Variants in RBPJ observed in about 807,000 individuals in gnomAD.
RBPJ encodes the protein recombination signal binding protein for immunoglobulin kappa J region.
RBPJ carries 9 observed loss-of-function variants against 67.8 expected under a neutral mutation model. That is an observed-to-expected ratio of 0.13 (90% CI 0.08 to 0.23). The LOEUF (loss-of-function observed/expected upper bound fraction) is 0.23, where lower values mean the gene tolerates loss of function less well. Among genes scored for constraint, RBPJ ranks in the 10% least tolerant of loss-of-function variants. The pLI is 1.00. For synonymous variants in RBPJ, 198 were observed against 203.3 expected (o/e 0.97, Z 0.22); for missense variants, 305 against 595.6 (o/e 0.51, Z 5.08).
intron 2 of RBPJ, 32 bp downstream of exon 2, chr4:26,386,423 T>C (rs773117607): frequency 2.1e-6 from 3 of 1,438,842 alleles, no homozygotes; most frequent in South Asian, 2.5e-5. Context: ...TTTTTACACA[T>C]ACATTTTATG....
intron 1 of RBPJ, among the ~76,000 whole-genome samples, chr4:26,295,263 T>G (rs541306701): frequency 4.6e-5 from 7 of 151,970 alleles, no homozygotes; most frequent in Admixed American, 2.6e-4. Flanking sequence ...TGTGTGTGTG[T>G]GTGTGTGGGT....
chr4:26,405,008 T>C (rs1003952032), intron 2 of RBPJ, among the ~76,000 whole-genome samples: 3 of 152,248 alleles, frequency 2.0e-5, no homozygotes, highest in African/African-American at 7.2e-5. Context: ...TTCTTTTCAG[T>C]GGTAGGGATT....
At chr4:26,137,303 G>A in the RBPJ span, among the ~76,000 whole-genome samples, 51 of 152,254 alleles carry the variant, frequency 3.3e-4, no homozygotes, top group Middle Eastern at 0.014. Context: ...AGTTGTATGC[G>A]TGTGTCCTGA....
chr4:26,367,017 G>A (rs916994496), intron 1 of RBPJ, among the ~76,000 whole-genome samples: 6 of 151,840 alleles, frequency 4.0e-5, no homozygotes, highest in Non-Finnish European at 5.9e-5. Context: ...CCAGCTACTC[G>A]GGAGGCTGAG....
chr4:26,160,608 G>A (rs190339787), upstream of RBPJ, among the ~76,000 whole-genome samples: 1 of 152,156 alleles, frequency 6.6e-6, no homozygotes, highest in African/African-American at 2.4e-5. Flanking sequence ...ACATGTCCAC[G>A]GCGTGGTAGG....
intron 1 of RBPJ, among the ~76,000 whole-genome samples, chr4:26,232,335 C>T (rs1163998036): frequency 6.6e-6 from 1 of 152,130 alleles, no homozygotes; most frequent in African/African-American, 2.4e-5. Flanking sequence ...CTGTACAGAT[C>T]ATCCCATCAC....
intron 1 of RBPJ, among the ~76,000 whole-genome samples, chr4:26,358,020 C>CCT (rs139807170): frequency 6.9e-6 from 1 of 145,022 alleles, no homozygotes; most frequent in Non-Finnish European, 1.5e-5. Context: ...AGGGGGTATT[C>CCT]GTGTGTGTGT....
At chr4:26,204,360 T>A in intron 1 of RBPJ, among the ~76,000 whole-genome samples, 1 of 152,262 alleles carries the variant, frequency 6.6e-6, no homozygotes, top group East Asian at 1.9e-4. Flanking sequence ...GAAAGAGGTG[T>A]CGCCTTTGAA....
chr4:26,105,809 G>GAA, the RBPJ span, among the ~76,000 whole-genome samples: 1 of 152,076 alleles, frequency 6.6e-6, no homozygotes, highest in African/African-American at 2.4e-5. Context: ...TATTTTCCTA[G>GAA]AAAAAAAGTC....
chr4:26,163,777 G>A (rs1716152137), intron 1 of RBPJ, among the ~76,000 whole-genome samples: 1 of 152,234 alleles, frequency 6.6e-6, no homozygotes, highest in Non-Finnish European at 1.5e-5. Flanking sequence ...CTGCATGGTA[G>A]TGTTCTGGTT....
intron 1 of RBPJ, among the ~76,000 whole-genome samples, chr4:26,345,108 C>A (rs554360701): frequency 2.7e-4 from 41 of 152,058 alleles, no homozygotes; most frequent in Non-Finnish European, 4.7e-4. Flanking sequence ...TAAAAATAAC[C>A]ATTTTTGTGA....
rs569199107 is a variant in RBPJ, at chr4:26,385,305, G to A, written c.21-1048G>A. ...CAAAGTACTGGGATTACAGGTGTGA[G>A]CCACTGCGCCCAGCCTTATGTGTTT... is the stretch of plus-strand genomic sequence containing the variant. On this transcript the variant is annotated intron_variant, in intron 1 of 10. Transcript: ENST00000355476. Among the ~76,000 whole-genome samples, 32 of 152,120 alleles carry A rather than the reference G, an allele frequency of 2.1e-4. No homozygotes were observed. In the East Asian group the frequency reaches 6.2e-3, roughly 30 times the overall value.
At chr4:26,360,109 T>C (rs1205923324) in intron 1 of RBPJ, among the ~76,000 whole-genome samples, 1 of 152,220 alleles carries the variant, frequency 6.6e-6, no homozygotes, top group Non-Finnish European at 1.5e-5. Flanking sequence ...TATACAAAGT[T>C]TTGAATTATA....
intron 1 of RBPJ, among the ~76,000 whole-genome samples, chr4:26,224,463 G>T (rs1719019043): frequency 6.6e-6 from 1 of 152,118 alleles, no homozygotes; most frequent in East Asian, 1.9e-4. Flanking sequence ...TTCAACGTAG[G>T]TTCTTTTCTA....
intron 1 of RBPJ, among the ~76,000 whole-genome samples, chr4:26,271,620 A>G (rs1246531546): frequency 6.6e-6 from 1 of 152,116 alleles, no homozygotes; most frequent in Non-Finnish European, 1.5e-5. Flanking sequence ...GTAGGCAGAT[A>G]GGGAGTTCTG....
Position 26,195,306 on chromosome 4 carries a change from G to A in RBPJ, c.-167+31692G>A, listed in dbSNP as rs564579849. Reference sequence around the variant, plus strand: ...GATCACTTGAGCTCAGAAGTTCAAAGCTGCAGTCTTTTATCTATCCAGTTG... The same window carrying A: ...GATCACTTGAGCTCAGAAGTTCAAAACTGCAGTCTTTTATCTATCCAGTTG... On this transcript the variant is annotated intron_variant, in intron 1 of 4. Transcript: ENST00000512351. 3.3e-5 allele frequency among the ~76,000 whole-genome samples: 5 copies of A among 152,292 alleles called. No homozygotes were observed. In the East Asian group the frequency reaches 9.7e-4, roughly 29 times the overall value.
upstream of RBPJ, chr4:26,319,999 A>T: frequency 1.1e-6 from 1 of 932,028 alleles, no homozygotes; most frequent in African/African-American, 1.7e-5. Flanking sequence ...CGATTCGGGC[A>T]GCCGGCAGCG....
intron 1 of RBPJ, among the ~76,000 whole-genome samples, chr4:26,270,022 C>G (rs1022454484): frequency 6.6e-6 from 1 of 151,918 alleles, no homozygotes; most frequent in African/African-American, 2.4e-5. Flanking sequence ...CGGCTCAGAC[C>G]TGTAATCTCA....
At chr4:26,176,618 C>A (rs1017279603) in intron 1 of RBPJ, among the ~76,000 whole-genome samples, 1 of 152,220 alleles carries the variant, frequency 6.6e-6, no homozygotes, top group African/African-American at 2.4e-5. Context: ...CAGCTGACGT[C>A]CCCCTTCAAC....
Sources: gnomAD v4.1 joint callset for allele counts (sites outside exome capture counted in the v4.1 genomes callset) on GRCh38, gnomAD v4.1.1 for gene constraint, MANE v1.5 for transcripts, NCBI Gene and HGNC (gene_info 2026-07-23, HGNC 2026-07-21) for gene names.